ETS1: variants seen among roughly 807,000 people sequenced by gnomAD.
ETS1 encodes protein C-ets-1.
ETS1 carries 15 observed loss-of-function variants against 58.6 expected under a neutral mutation model. The observed-to-expected ratio is 0.26, with a 90% CI of 0.17 to 0.39. The LOEUF (loss-of-function observed/expected upper bound fraction) is 0.39, where lower values mean the gene tolerates loss of function less well. ETS1 is among the 10% of genes least tolerant of loss of function. ETS1 has a pLI of 1.00. For missense variants in ETS1, 417 were observed against 610.5 expected (o/e 0.68, Z 3.34); for synonymous variants, 214 against 218.2 (o/e 0.98, Z 0.17).
At chr11:128,490,100 C>T (rs750809654) in intron 4 of ETS1, among the ~76,000 whole-genome samples, 33 of 152,346 alleles carry the variant, frequency 2.2e-4, no homozygotes, top group South Asian at 4.1e-4. Flanking sequence ...AACATGCAAT[C>T]TTCATACATG....
intron 8 of ETS1, among the ~76,000 whole-genome samples, chr11:128,466,416 C>T (rs1363691493): frequency 6.6e-6 from 1 of 152,238 alleles, no homozygotes; most frequent in Non-Finnish European, 1.5e-5. Flanking sequence ...CAGGAGCACA[C>T]TGCAGTCTCC....
At chr11:128,479,364 T>C (rs1862419450) in intron 8 of ETS1, among the ~76,000 whole-genome samples, 1 of 152,208 alleles carries the variant, frequency 6.6e-6, no homozygotes, top group South Asian at 2.1e-4. Flanking sequence ...CAACACACTT[T>C]CTAATTTTTA....
intron 3 of ETS1, among the ~76,000 whole-genome samples, chr11:128,555,675 G>A (rs764245468): frequency 6.6e-6 from 1 of 152,064 alleles, no homozygotes; most frequent in Non-Finnish European, 1.5e-5. Context: ...TGGAATTTGT[G>A]AGAAACAGAG....
chr11:128,471,030 AC>A (rs370354977), intron 8 of ETS1, among the ~76,000 whole-genome samples: 11 of 152,168 alleles, frequency 7.2e-5, no homozygotes, highest in South Asian at 2.1e-4. Context: ...TTCCCGATGC[AC>A]CTTTTTCCTT....
At chr11:128,574,111 G>T (rs906933226) in intron 1 of ETS1, among the ~76,000 whole-genome samples, 1 of 152,138 alleles carries the variant, frequency 6.6e-6, no homozygotes, top group Non-Finnish European at 1.5e-5. Context: ...TCACCATCTT[G>T]ATCCCTTTTT....
intron 3 of ETS1, among the ~76,000 whole-genome samples, chr11:128,545,815 T>C (rs1864124426): frequency 6.6e-6 from 1 of 152,190 alleles, no homozygotes; most frequent in South Asian, 2.1e-4. Flanking sequence ...AACAAAAGAT[T>C]ACAATTCAAG....
intron 8 of ETS1, among the ~76,000 whole-genome samples, chr11:128,466,851 G>T (rs963052397): frequency 2.6e-5 from 4 of 152,046 alleles, no homozygotes; most frequent in African/African-American, 9.7e-5. Flanking sequence ...ATGGGAATAT[G>T]AATGGGAAGA....
intron 3 of ETS1, chr11:128,522,361 G>C: frequency 1.0e-6 from 1 of 997,800 alleles, no homozygotes; most frequent in Middle Eastern, 5.0e-4. Context: ...CTCCTCTTTA[G>C]GGCGTTTCTC....
In ETS1 at chr11:128,554,246, G is replaced by A. The variant is rs895082733; in HGVS notation, c.214+2045C>T. Among the ~76,000 whole-genome samples, 5 of 152,268 alleles carry A rather than the reference G, an allele frequency of 3.3e-5. No individual in the cohort carries two copies. In the South Asian group the frequency reaches 1.0e-3, roughly 32 times the overall value. On this transcript the variant is annotated intron_variant, in intron 3 of 9. Transcript: ENST00000392668. The stretch of plus-strand genomic sequence containing the variant: ...TGGGAACTACAACCATCACATTTGT[G>A]AAGAGATTGCCCCCAACTGGTAGAG...
At position 128,585,045 on chromosome 11, in the gene ETS1, AAAG is replaced by A. The variant is rs1565421196; in HGVS notation, c.-15+2440_-15+2442del. On this transcript the variant is annotated intron_variant, in intron 1 of 9. Coordinates refer to ENST00000392668, the MANE Select transcript of ETS1 (RefSeq NM_001143820.2). The stretch of plus-strand genomic sequence containing the variant: ...GAAGAAAGAAAGAAAAGAAAGAAAG[AAAG>A]AAAGAAAGAAAGAAAGAAAGAAAGA... Among the ~76,000 whole-genome samples, 177 of 20,320 alleles carry A rather than the reference AAAG, an allele frequency of 8.7e-3. 38 individuals carry two copies. The highest frequency in any genetic ancestry group is 0.076 in the African/African-American group (172 of 2,270). The allele number at this position is 20,320 out of a possible 152,430, so 13.3% of individuals were successfully genotyped here. A position where few individuals can be genotyped will look rare whatever the true frequency, so the allele number is the denominator to read the frequency against.
At position 128,585,053 on chromosome 11, in the gene ETS1, A is replaced by G. The variant is rs1234928910; in HGVS notation, c.-15+2435T>C. ...AAAGAAAAGAAAGAAAGAAAGAAAG[A>G]AAGAAAGAAAGAAAGAAAGAAAGAG... On this transcript the variant is annotated intron_variant, in intron 1 of 9. Transcript: ENST00000392668. Among the ~76,000 whole-genome samples the G allele has an allele frequency of 4.3e-3, 119 of 27,384 alleles. 15 individuals carry two copies. Among genetic ancestry groups the G allele is most frequent in the African/African-American group, 0.014 (36 of 2,618 alleles). 18.0% of individuals were successfully genotyped at this position (27,384 alleles called of 152,430 possible).
At chr11:128,493,856 C>G (rs186932797) in intron 3 of ETS1, among the ~76,000 whole-genome samples, 1 of 152,298 alleles carries the variant, frequency 6.6e-6, no homozygotes, top group African/African-American at 2.4e-5. Flanking sequence ...ATATAAAATA[C>G]TAATTCAAAA....
intron 2 of ETS1, among the ~76,000 whole-genome samples, chr11:128,571,117 G>GT (rs887723478): frequency 4.0e-5 from 6 of 151,572 alleles, no homozygotes; most frequent in African/African-American, 7.3e-5. Context: ...AGAGTTTTTG[G>GT]TTTTTTTTAA....
rs897885387 is a variant in ETS1 at position 128,479,524 on chromosome 11, C to A, written c.1123+667G>T. 6.6e-5 allele frequency among the ~76,000 whole-genome samples: 10 copies of A among 152,328 alleles called. No homozygotes were observed. In the East Asian group the frequency reaches 1.9e-3, roughly 29 times the overall value. ...AGAAAGCATTGTTTTGCTCTACTAC[C>A]AGAGTCTCAATCAAAGTTCAAGCTC... is the stretch of plus-strand genomic sequence containing the variant. On this transcript the variant is annotated intron_variant, in intron 8 of 9. Transcript: ENST00000392668.
At chr11:128,584,254 A>C (rs1356274488) in intron 1 of ETS1, among the ~76,000 whole-genome samples, 2 of 152,240 alleles carry the variant, frequency 1.3e-5, no homozygotes, top group African/African-American at 4.8e-5. Context: ...AACAGGCTTA[A>C]TCCAGTGTTC....
At chr11:128,514,948 A>G (rs772123400) in intron 3 of ETS1, among the ~76,000 whole-genome samples, 3 of 151,876 alleles carry the variant, frequency 2.0e-5, no homozygotes, top group Non-Finnish European at 2.9e-5. Flanking sequence ...ATACTTTCTT[A>G]CTCTTCCTGT....
At position 128,569,318 on chromosome 11, in the gene ETS1, C is replaced by CTTTTTTTTTT. The variant is rs398018017; in HGVS notation, c.69+3734_69+3743dup. ...TACCATACATGGGACAGAGTTTCTT[C>CTTTTTTTTTT]TTTTTTTTTTTTTTTTTTTTTTTTG... is the stretch of plus-strand genomic sequence containing the variant. On this transcript the variant is annotated intron_variant, in intron 2 of 9. Coordinates refer to ENST00000392668, the MANE Select transcript of ETS1 (RefSeq NM_001143820.2). 2.4e-3 allele frequency among the ~76,000 whole-genome samples: 96 copies of CTTTTTTTTTT among 39,470 alleles called. 20 individuals carry two copies. Among genetic ancestry groups the CTTTTTTTTTT allele is most frequent in the African/African-American group, 5.7e-3 (52 of 9,132 alleles). The allele number at this position is 39,470 out of a possible 152,430, so 25.9% of individuals were successfully genotyped here.
At chr11:128,497,613 T>C (rs1862976454) in intron 3 of ETS1, 1 of 984,172 alleles carries the variant, frequency 1.0e-6, no homozygotes, top group Admixed American at 6.1e-5. Context: ...GACCATTACA[T>C]GGTAGGGAAG....
rs529463514 is a variant in ETS1, at chr11:128,461,762, A to G, written c.*599T>C. ...GAGCTTAAGACGATTTTTAAGAAAA[A>G]AAATACTGGCACAAAATTTAATAAA... On this transcript the variant is annotated 3_prime_UTR_variant, in exon 10 of 10. Coordinates refer to ENST00000392668, the MANE Select transcript of ETS1 (RefSeq NM_001143820.2). 2 of 153,072 alleles carry G rather than the reference A, an allele frequency of 1.3e-5. No individual in the cohort carries two copies. Among genetic ancestry groups the G allele is most frequent in the African/African-American group, 4.8e-5 (2 of 41,574 alleles). The allele number at this position is 153,072 out of a possible 1,614,324, so 9.5% of individuals were successfully genotyped here. A position where few individuals can be genotyped will look rare whatever the true frequency, so the allele number is the denominator to read the frequency against.
Sources: allele counts gnomAD v4.1 joint callset (sites outside exome capture counted in the v4.1 genomes callset), GRCh38; gene constraint gnomAD v4.1.1; transcripts MANE v1.5; gene names NCBI Gene and HGNC (gene_info 2026-07-23, HGNC 2026-07-21).